CUEDC1: variants seen among roughly 807,000 people sequenced by gnomAD.
CUEDC1 encodes the protein CUE domain-containing protein 1.
CUEDC1 carries 30 observed loss-of-function variants against 43.7 expected under a neutral mutation model. That is an observed-to-expected ratio of 0.69 (90% CI 0.51 to 0.93). The LOEUF is 0.93. Ranked by LOEUF, CUEDC1 falls within the 40% of genes least tolerant of loss-of-function variation. CUEDC1 has a pLI of 0.00. For missense variants in CUEDC1, 486 were observed against 549.0 expected (o/e 0.89, Z 1.15); for synonymous variants, 223 against 223.6 (o/e 1.00, Z 0.02).
At chr17:57,912,146 C>T (rs1366553387) in intron 1 of CUEDC1, among the ~76,000 whole-genome samples, 4 of 152,212 alleles carry the variant, frequency 2.6e-5, no homozygotes, top group African/African-American at 7.2e-5. Context: ...CCCTGGAGAC[C>T]GCTACACACA....
Position 57,868,167 on chromosome 17 carries a change from G to A in CUEDC1, c.1017C>T (p.His339=), listed in dbSNP as rs376213190. Reference sequence around the variant, plus strand: ...AAGGATACGACTGATGCTTCAACAAGTGTTTCCTCTTTGACTTCCTCATTT... The same window carrying A: ...AAGGATACGACTGATGCTTCAACAAATGTTTCCTCTTTGACTTCCTCATTT... ...KTKMRKSKRK[H]LLKHQSLGAA... The change falls in exon 8 of 11, where the codon CAC becomes CAT. Residue 339 remains histidine, a synonymous_variant. Transcript: ENST00000577830. The A allele has an allele frequency of 2.9e-5, 47 of 1,613,908 alleles. No homozygotes were observed. The African/African-American group carries it at 6.0e-4, about 21-fold the overall frequency.
chr17:57,867,441 C>T, intron 8 of CUEDC1, 26 bp from the exon 9 acceptor site: 9 of 1,550,146 alleles, frequency 5.8e-6, no homozygotes, highest in Non-Finnish European at 7.9e-6. Flanking sequence ...GGAAAACCGT[C>T]CCAGGGATGA....
chr17:57,874,507 A>G (rs1048959949), intron 3 of CUEDC1, among the ~76,000 whole-genome samples: 2 of 152,300 alleles, frequency 1.3e-5, no homozygotes, highest in Non-Finnish European at 1.5e-5. Context: ...CAGCTGGGCA[A>G]GGCAGTAGAG....
At chr17:57,941,162 A>C (rs2074914028) in intron 1 of CUEDC1, among the ~76,000 whole-genome samples, 1 of 152,174 alleles carries the variant, frequency 6.6e-6, no homozygotes, top group South Asian at 2.1e-4. Flanking sequence ...GCCGCAAAAG[A>C]CACCACTCAT....
intron 6 of CUEDC1, among the ~76,000 whole-genome samples, chr17:57,870,254 T>C (rs2074015885): frequency 6.6e-6 from 1 of 152,242 alleles, no homozygotes; most frequent in Non-Finnish European, 1.5e-5. Context: ...CGTTCCCAGC[T>C]GTGGCTCAAC....
intron 1 of CUEDC1, among the ~76,000 whole-genome samples, chr17:57,929,761 TC>T (rs2074785527): frequency 6.6e-6 from 1 of 152,198 alleles, no homozygotes; most frequent in African/African-American, 2.4e-5. Context: ...CCCTGCAGCA[TC>T]CAAAGTCTTC....
intron 1 of CUEDC1, among the ~76,000 whole-genome samples, chr17:57,924,368 T>C (rs2074725975): frequency 6.6e-6 from 1 of 152,198 alleles, no homozygotes; most frequent in South Asian, 2.1e-4. Flanking sequence ...CCTCCCAAAG[T>C]GCTGGGATTA....
chr17:57,889,907 G>A (rs2074337473), intron 1 of CUEDC1, among the ~76,000 whole-genome samples: 2 of 152,218 alleles, frequency 1.3e-5, no homozygotes, highest in Non-Finnish European at 2.9e-5. Context: ...TGGTGTGCCT[G>A]GGAGCAGGGT....
intron 1 of CUEDC1, among the ~76,000 whole-genome samples, chr17:57,947,320 C>T (rs2074968428): frequency 6.6e-6 from 1 of 152,126 alleles, no homozygotes. Flanking sequence ...AGCTAAAGTT[C>T]ACCACCCGGT....
chr17:57,902,198 AAAAAAACAAAAAAC>A (rs1000141383), intron 1 of CUEDC1, among the ~76,000 whole-genome samples: 1 of 151,798 alleles, frequency 6.6e-6, no homozygotes, highest in African/African-American at 2.4e-5. Context: ...CCTCAGAAAA[AAAAAAACAAAAAAC>A]AAAAAACAAA....
intron 4 of CUEDC1, 144 bp downstream of exon 4, chr17:57,873,447 C>T (rs1464302401): frequency 1.7e-5 from 16 of 957,510 alleles, no homozygotes; most frequent in Admixed American, 2.8e-5. Flanking sequence ...GTTCAGCATT[C>T]CTGCCCTACG....
intron 9 of CUEDC1, chr17:57,867,108 C>G: frequency 3.5e-6 from 2 of 577,578 alleles, no homozygotes; most frequent in South Asian, 4.1e-5. Flanking sequence ...GAAACAGTAC[C>G]TGGCACTTCA....
At chr17:57,925,951 G>T (rs1394490032) in intron 1 of CUEDC1, among the ~76,000 whole-genome samples, 1 of 152,188 alleles carries the variant, frequency 6.6e-6, no homozygotes, top group Non-Finnish European at 1.5e-5. Context: ...TGGTCTGGCT[G>T]GGGCTGCAGG....
intron 10 of CUEDC1, among the ~76,000 whole-genome samples, chr17:57,863,565 T>C (rs946514502): frequency 5.9e-5 from 9 of 152,066 alleles, no homozygotes; most frequent in African/African-American, 2.2e-4. Context: ...AGGGGAGGGC[T>C]TCAACGTGGG....
chr17:57,863,868 G>A (rs1460363495), intron 10 of CUEDC1, among the ~76,000 whole-genome samples: 1 of 151,936 alleles, frequency 6.6e-6, no homozygotes, highest in Non-Finnish European at 1.5e-5. Context: ...GGGCGGGGTG[G>A]CACGTGCCTG....
At chr17:57,946,592 T>C (rs889840934) in intron 1 of CUEDC1, among the ~76,000 whole-genome samples, 1 of 152,148 alleles carries the variant, frequency 6.6e-6, no homozygotes, top group African/African-American at 2.4e-5. Flanking sequence ...AAGAAAATGC[T>C]GCACCGTAGA....
Position 57,868,263 on chromosome 17 carries a change from T to A in CUEDC1, c.941-20A>T. ...GGGTGGCTGGGGGCAGAGAGACCTG[T>A]GAGTCATTCTCTCAGCAGCCAGCAC... On this transcript the variant is annotated intron_variant, in intron 7 of 10. Coordinates refer to ENST00000577830, the MANE Select transcript of CUEDC1 (RefSeq NM_001271875.2). The A allele has an allele frequency of 6.2e-7, 1 of 1,607,058 alleles. No individual in the cohort carries two copies. The highest frequency in any genetic ancestry group is 8.5e-7 in the Non-Finnish European group (1 of 1,173,810).
At chr17:57,889,718 C>T (rs1426983031) in intron 1 of CUEDC1, among the ~76,000 whole-genome samples, 1 of 152,178 alleles carries the variant, frequency 6.6e-6, no homozygotes, top group Non-Finnish European at 1.5e-5. Flanking sequence ...CACAAGGAAG[C>T]AGTAATGGGA....
intron 2 of CUEDC1, among the ~76,000 whole-genome samples, chr17:57,881,547 C>T (rs1335707751): frequency 2.0e-5 from 3 of 152,252 alleles, no homozygotes; most frequent in African/African-American, 7.2e-5. Flanking sequence ...CCAGACCCCT[C>T]TTCTCTGAGG....
Sources: gnomAD v4.1 joint callset for allele counts (sites outside exome capture counted in the v4.1 genomes callset) on GRCh38, gnomAD v4.1.1 for gene constraint, MANE v1.5 for transcripts, NCBI Gene and HGNC (gene_info 2026-07-23, HGNC 2026-07-21) for gene names.